DMD: variants seen among roughly 807,000 people sequenced by gnomAD.
The protein encoded by DMD is mutant dystrophin.
Under a neutral mutation model 330.1 loss-of-function variants are expected in DMD, and 63 were observed. That is an observed-to-expected ratio of 0.19 (90% CI 0.16 to 0.24). The LOEUF (loss-of-function observed/expected upper bound fraction) is 0.24. Ranked by LOEUF, DMD falls within the 10% of genes least tolerant of loss-of-function variation. DMD has a pLI of 1.00. For missense variants in DMD, 3,344 were observed against 2,684.1 expected, an observed-to-expected ratio of 1.25 and a Z score of -5.43; for synonymous variants, 1,223 against 959.8, an observed-to-expected ratio of 1.27 and a Z score of -5.07.
At position 32,816,494 on chromosome X, in the gene DMD, A is replaced by G; in HGVS notation, c.504T>C (p.Ala168=). ...NFTTSWSDGL[A]LNALIHSHRP... The stretch of plus-strand genomic sequence containing the variant: ...TATGACTATGGATGAGAGCATTCAA[A>G]GCCAGGCCATCAGACCAGCTGGTGG... Residue 168 remains alanine, a synonymous_variant, in exon 6 of 79, where the codon GCT becomes GCC. Transcript: ENST00000357033. The G allele has an allele frequency of 8.3e-7, 1 of 1,211,764 alleles. No individual in the cohort carries two copies. The highest frequency in any genetic ancestry group is 1.1e-6 in the Non-Finnish European group (1 of 895,413).
intron 40 of DMD, chrX:32,342,785 T>G: frequency 2.9e-6 from 1 of 349,567 alleles, no homozygotes; most frequent in South Asian, 2.7e-5. Flanking sequence ...GTGAAGATGC[T>G]CTGATGAAAT....
chrX:32,503,914 C>T (rs993974660), intron 18 of DMD, among the ~76,000 whole-genome samples: 4 of 111,590 alleles, frequency 3.6e-5, no homozygotes, highest in Non-Finnish European at 5.6e-5. Flanking sequence ...GGAGACCTGA[C>T]GATATCTGAC....
chrX:31,338,943 C>CAAA (rs151110457), intron 61 of DMD, among the ~76,000 whole-genome samples: 17 of 64,135 alleles, frequency 2.7e-4, no homozygotes, highest in East Asian at 4.8e-4. Context: ...CATCTATGCA[C>CAAA]AAAAAAAAAA....
At position 31,280,672 on chromosome X, in the gene DMD, C is replaced by T. The variant is rs151146369; in HGVS notation, c.9225-19656G>A. On this transcript the variant is annotated intron_variant, in intron 62 of 78. Coordinates refer to ENST00000357033, the MANE Select transcript of DMD (RefSeq NM_004006.3). ...AAATCAAATTTAACATTCAAAAATG[C>T]ATACAACTGCACAAAGAATGAGGTG... 3.9e-3 allele frequency among the ~76,000 whole-genome samples: 437 copies of T among 112,081 alleles called. 5 individuals carry two copies. The highest frequency in any genetic ancestry group is 0.013 in the African/African-American group (401 of 30,952).
intron 51 of DMD, among the ~76,000 whole-genome samples, chrX:31,756,408 A>G (rs1222788641): frequency 8.9e-6 from 1 of 112,279 alleles, no homozygotes; most frequent in Non-Finnish European, 1.9e-5. Context: ...ACGCAGCTCA[A>G]TGCAGTTTAT....
chrX:32,393,595 C>A (rs1366909632), intron 30 of DMD, among the ~76,000 whole-genome samples: 1 of 111,126 alleles, frequency 9.0e-6, no homozygotes, highest in African/African-American at 3.3e-5. Flanking sequence ...CTATGTGTGT[C>A]TGTACAGAGA....
rs764179175 is a variant in DMD at position 31,971,300 on chromosome X, T to A, written c.6439-2786A>T. On this transcript the variant is annotated intron_variant, in intron 44 of 78. Transcript: ENST00000357033. ...CAGCCTCTTTGCTTTGTAGTTTTGA[T>A]CTTGGCACTTTTGCTTCATGGCTGA... Among the ~76,000 whole-genome samples the A allele has an allele frequency of 4.3e-4, 48 of 112,257 alleles. No homozygotes were observed. The Admixed American group carries it at 4.5e-3, about 11-fold the overall frequency.
At position 33,109,353 on chromosome X, in the gene DMD, G is replaced by T. The variant is rs769266545; in HGVS notation, c.32-89153C>A. ...AGCAAAATTGTCTTAATCTAGAACA[G>T]TTTGAAAACACTATCTTAGTCTATT... On this transcript the variant is annotated intron_variant, in intron 1 of 78. Coordinates refer to ENST00000357033, the MANE Select transcript of DMD (RefSeq NM_004006.3). Among the ~76,000 whole-genome samples the T allele has an allele frequency of 3.6e-5, 4 of 111,770 alleles. No homozygotes were observed. In the East Asian group the frequency reaches 1.1e-3, roughly 31 times the overall value.
At chrX:31,831,629 C>G (rs1603483264) in intron 49 of DMD, among the ~76,000 whole-genome samples, 2 of 111,312 alleles carry the variant, frequency 1.8e-5, no homozygotes, top group East Asian at 2.8e-4. Flanking sequence ...GATGGAGTCT[C>G]ACTCTGTCAC....
chrX:32,982,638 G>A (rs897785143), intron 2 of DMD, among the ~76,000 whole-genome samples: 3 of 111,264 alleles, frequency 2.7e-5, no homozygotes, highest in African/African-American at 9.8e-5. Flanking sequence ...ACGGAGTTTT[G>A]GTTTACTGGG....
intron 50 of DMD, among the ~76,000 whole-genome samples, chrX:31,803,155 G>C (rs958174977): frequency 5.4e-5 from 6 of 111,998 alleles, no homozygotes; most frequent in African/African-American, 2.0e-4. Context: ...TCAAGGGTGA[G>C]AAAGCTCACA....
chrX:32,743,712 A>T (rs1322630338), intron 7 of DMD, among the ~76,000 whole-genome samples: 1 of 111,136 alleles, frequency 9.0e-6, no homozygotes, highest in Non-Finnish European at 1.9e-5. Context: ...CTCTCAGTAG[A>T]ACATTAAAAA....
chrX:32,557,967 ATTAAT>A (rs1460396979), intron 16 of DMD, among the ~76,000 whole-genome samples: 1 of 110,106 alleles, frequency 9.1e-6, no homozygotes, highest in African/African-American at 3.3e-5. Context: ...TATATTAATA[ATTAAT>A]TTATTACTGT....
intron 1 of DMD, among the ~76,000 whole-genome samples, chrX:33,282,590 T>G (rs2053353119): frequency 8.9e-6 from 1 of 112,007 alleles, no homozygotes; most frequent in South Asian, 3.7e-4. Context: ...GTTGGGCCAC[T>G]TGCTGTGACA....
chrX:31,707,811 T>C (rs186926002), intron 52 of DMD, among the ~76,000 whole-genome samples: 165 of 110,807 alleles, frequency 1.5e-3, no homozygotes, highest in African/African-American at 5.3e-3. Flanking sequence ...ATAGCCACAA[T>C]GGAACTATGA....
At chrX:32,334,312 G>T (rs2097694891) in intron 41 of DMD, among the ~76,000 whole-genome samples, 1 of 111,626 alleles carries the variant, frequency 9.0e-6, no homozygotes, top group Admixed American at 9.5e-5. Flanking sequence ...AATTCCATTT[G>T]CTAAAGAACA....
intron 2 of DMD, among the ~76,000 whole-genome samples, chrX:32,941,558 C>CG (rs2090420848): frequency 1.8e-5 from 2 of 111,265 alleles, no homozygotes; most frequent in East Asian, 5.6e-4. Context: ...AGCAACGGAA[C>CG]GCCAAATACC....
At chrX:31,936,113 A>C (rs2094921680) in intron 45 of DMD, among the ~76,000 whole-genome samples, 1 of 111,299 alleles carries the variant, frequency 9.0e-6, no homozygotes, top group South Asian at 3.7e-4. Context: ...CCTAGTAATA[A>C]GATATATAGG....
intron 44 of DMD, chrX:32,206,258 G>A: frequency 3.8e-6 from 2 of 520,607 alleles, no homozygotes; most frequent in East Asian, 3.7e-5. Context: ...AAGATACAGA[G>A]TCAGAAGACG....
Sources: gnomAD v4.1 joint callset for allele counts (sites outside exome capture counted in the v4.1 genomes callset) on GRCh38, gnomAD v4.1.1 for gene constraint, MANE v1.5 for transcripts, NCBI Gene and HGNC (gene_info 2026-07-23, HGNC 2026-07-21) for gene names.